ACACA: variants seen among roughly 807,000 people sequenced by gnomAD.
ACACA encodes the protein acetyl-CoA carboxylase 1.
Under a neutral mutation model 296.1 loss-of-function variants are expected in ACACA, and 103 were observed. That is an observed-to-expected ratio of 0.35 (90% CI 0.30 to 0.41). ACACA has a LOEUF of 0.41. Ranked by LOEUF, ACACA falls within the 10% of genes least tolerant of loss-of-function variation. The pLI, the probability that ACACA is intolerant of heterozygous loss-of-function variation, is 1.00. For synonymous variants in ACACA, 953 were observed against 1,038.6 expected (o/e 0.92, Z 1.58); for missense variants, 1,554 against 2,989.7 (o/e 0.52, Z 11.20).
chr17:37,381,658 C>T (rs1333324447), intron 1 of ACACA, among the ~76,000 whole-genome samples: 9 of 135,686 alleles, frequency 6.6e-5, no homozygotes, highest in East Asian at 4.3e-4. Flanking sequence ...GACAGAGTCT[C>T]GCTCCGTTGC....
At chr17:37,111,466 T>TATTC in intron 52 of ACACA, 65 bp downstream of exon 52, 1 of 1,190,102 alleles carries the variant, frequency 8.4e-7, no homozygotes, top group Non-Finnish European at 1.3e-6. Flanking sequence ...CCCTGGCCTA[T>TATTC]GAATGCACTC....
chr17:37,204,606 A>G (rs2078415152), intron 33 of ACACA, among the ~76,000 whole-genome samples: 1 of 152,234 alleles, frequency 6.6e-6, no homozygotes, highest in South Asian at 2.1e-4. Context: ...AGGAACATAC[A>G]TTTTAGTTAG....
At chr17:37,095,461 C>G (rs1278561470) in intron 54 of ACACA, among the ~76,000 whole-genome samples, 1 of 152,210 alleles carries the variant, frequency 6.6e-6, no homozygotes, top group Non-Finnish European at 1.5e-5. Context: ...AAAGGTGAAT[C>G]CTAGAAGCAC....
chr17:37,112,278 A>AC (rs111327866), intron 51 of ACACA, among the ~76,000 whole-genome samples: 7 of 151,876 alleles, frequency 4.6e-5, no homozygotes, highest in Admixed American at 4.6e-4. Flanking sequence ...TTAAAAAAAA[A>AC]CCCACAGCTT....
intron 27 of ACACA, among the ~76,000 whole-genome samples, chr17:37,224,640 G>A (rs911353202): frequency 3.3e-5 from 5 of 151,764 alleles, no homozygotes; most frequent in African/African-American, 9.7e-5. Flanking sequence ...AATCATCAGA[G>A]AAATGTGTGT....
intron 3 of ACACA, 77 bp from the exon 4 acceptor site, chr17:37,285,047 G>C: frequency 1.5e-5 from 24 of 1,556,906 alleles, no homozygotes; most frequent in Non-Finnish European, 2.0e-5. Context: ...ACCCATAACA[G>C]TACTTTCACA....
At chr17:37,344,223 G>GT (rs2048514919) in intron 1 of ACACA, among the ~76,000 whole-genome samples, 2 of 152,264 alleles carry the variant, frequency 1.3e-5, no homozygotes, top group South Asian at 4.1e-4. Context: ...GAGCCCAGGA[G>GT]TTTGAGACCA....
chr17:37,347,171 G>A (rs974397845), intron 1 of ACACA, among the ~76,000 whole-genome samples: 4 of 152,116 alleles, frequency 2.6e-5, no homozygotes, highest in Non-Finnish European at 5.9e-5. Flanking sequence ...TAAGTCTCAC[G>A]AGTTCTGATG....
chr17:37,190,579 G>A (rs1271135042), intron 38 of ACACA, among the ~76,000 whole-genome samples: 1 of 152,098 alleles, frequency 6.6e-6, no homozygotes. Context: ...TAGACCCTCA[G>A]GGAAGAAAAT....
chr17:37,086,513 C>T lies in ACACA; in HGVS notation c.*803G>A, dbSNP rs1275204402. ...CACCACCTGTGGAACTGCTGGGGCC[C>T]CTCAAGCACTGGCCTTGCAGCTCCC... is the stretch of plus-strand genomic sequence containing the variant. On this transcript the variant is annotated 3_prime_UTR_variant, in exon 56 of 56. Coordinates refer to ENST00000616317, the MANE Select transcript of ACACA (RefSeq NM_198834.3). 6.6e-6 allele frequency: 1 copy of T among 152,384 alleles called. No homozygotes were observed. The highest frequency in any genetic ancestry group is 1.5e-5 in the Non-Finnish European group (1 of 68,174). 9.4% of individuals were successfully genotyped at this position (152,384 alleles called of 1,614,324 possible).
intron 29 of ACACA, among the ~76,000 whole-genome samples, chr17:37,218,016 G>C (rs2079109052): frequency 6.6e-6 from 1 of 151,806 alleles, no homozygotes; most frequent in Non-Finnish European, 1.5e-5. Context: ...TATTCTCACT[G>C]ATTTTTAAAG....
Position 37,259,542 on chromosome 17 carries a change from G to A in ACACA, c.1330-12C>T. On this transcript the variant is annotated splice_polypyrimidine_tract_variant and intron_variant, in intron 11 of 55. Transcript: ENST00000616317. ...AGTTTCACCGCACACTCAAAGAAGA[G>A]AGATAAGCAAACATAAGTATCTCAC... 1 of 1,614,138 alleles carries A rather than the reference G, an allele frequency of 6.2e-7. No homozygotes were observed. Among genetic ancestry groups the A allele is most frequent in the Non-Finnish European group, 8.5e-7 (1 of 1,180,022 alleles).
At chr17:37,213,997 A>G (rs2078873641) in intron 29 of ACACA, among the ~76,000 whole-genome samples, 1 of 152,172 alleles carries the variant, frequency 6.6e-6, no homozygotes, top group Non-Finnish European at 1.5e-5. Flanking sequence ...TGAAGAAGAA[A>G]AAAAAAAGAG....
chr17:37,093,235 C>T (rs1475034086), intron 54 of ACACA, among the ~76,000 whole-genome samples: 1 of 152,166 alleles, frequency 6.6e-6, no homozygotes, highest in East Asian at 1.9e-4. Context: ...ATTCATTTCA[C>T]TTGGAAATCC....
At chr17:37,171,704 T>A (rs1219741751) in intron 41 of ACACA, among the ~76,000 whole-genome samples, 8 of 152,122 alleles carry the variant, frequency 5.3e-5, no homozygotes, top group Non-Finnish European at 1.0e-4. Flanking sequence ...AAAATTTTCA[T>A]CCCAGAGGTA....
At chr17:37,159,021 T>C (rs2076362215) in intron 42 of ACACA, among the ~76,000 whole-genome samples, 2 of 151,658 alleles carry the variant, frequency 1.3e-5, no homozygotes, top group Non-Finnish European at 2.9e-5. Context: ...TTATGAAAAA[T>C]AATAAAATTA....
chr17:37,248,948 C>T (rs2080848376), intron 16 of ACACA, among the ~76,000 whole-genome samples: 1 of 152,142 alleles, frequency 6.6e-6, no homozygotes, highest in Admixed American at 6.5e-5. Context: ...CACTATTCTG[C>T]AACCAATCTG....
At chr17:37,089,826 A>G (rs1337814445) in intron 54 of ACACA, among the ~76,000 whole-genome samples, 2 of 152,204 alleles carry the variant, frequency 1.3e-5, no homozygotes, top group Non-Finnish European at 2.9e-5. Flanking sequence ...TTAGAAGCCT[A>G]ATAGCCTTCT....
intron 42 of ACACA, among the ~76,000 whole-genome samples, chr17:37,159,549 T>A (rs1449853059): frequency 6.6e-6 from 1 of 152,226 alleles, no homozygotes; most frequent in Non-Finnish European, 1.5e-5. Context: ...TAGACTTTAG[T>A]ATATTCAGAT....
Sources: gnomAD v4.1 joint callset for allele counts (sites outside exome capture counted in the v4.1 genomes callset) on GRCh38, gnomAD v4.1.1 for gene constraint, MANE v1.5 for transcripts, NCBI Gene and HGNC (gene_info 2026-07-23, HGNC 2026-07-21) for gene names.